LRRFIP2: variants seen among roughly 807,000 people sequenced by gnomAD.
LRRFIP2 encodes the protein leucine-rich repeat flightless-interacting protein 2.
LRRFIP2 carries 109 observed loss-of-function variants against 125.9 expected under a neutral mutation model. The observed-to-expected ratio is 0.87, with a 90% CI of 0.74 to 1.01. The LOEUF is 1.01. Among genes scored for constraint, LRRFIP2 ranks in the 50% least tolerant of loss-of-function variants. The probability of loss-of-function intolerance (pLI) is 0.00; values close to 1 mark genes in which losing one functional copy is unlikely to be tolerated. For missense variants in LRRFIP2, 850 were observed against 862.3 expected (o/e 0.99, Z 0.18); for synonymous variants, 291 against 293.1 (o/e 0.99, Z 0.07).
chr3:37,108,187 A>AGGT, intron 12 of LRRFIP2, 58 bp from the exon 13 acceptor site: 16 of 1,324,826 alleles, frequency 1.2e-5, no homozygotes, highest in Non-Finnish European at 1.6e-5. Flanking sequence ...TATTCTAATG[A>AGGT]GAATACATTA....
At chr3:37,091,142 A>G (rs1487186255) in intron 18 of LRRFIP2, among the ~76,000 whole-genome samples, 3 of 152,110 alleles carry the variant, frequency 2.0e-5, no homozygotes, top group Non-Finnish European at 4.4e-5. Context: ...TTGAGAGGCC[A>G]AGGCAGGAGG....
intron 1 of LRRFIP2, among the ~76,000 whole-genome samples, chr3:37,164,231 G>T (rs1362764713): frequency 6.6e-6 from 1 of 152,064 alleles, no homozygotes; most frequent in Non-Finnish European, 1.5e-5. Context: ...ATACCACATG[G>T]CTGATCAGTA....
chr3:37,104,331 T>C (rs1465773633), intron 14 of LRRFIP2, among the ~76,000 whole-genome samples: 1 of 152,192 alleles, frequency 6.6e-6, no homozygotes, highest in Admixed American at 6.5e-5. Flanking sequence ...CCAAGCATCA[T>C]TATTTAAAGT....
intron 16 of LRRFIP2, 24 bp from the exon 17 acceptor site, chr3:37,094,932 C>A: frequency 7.3e-7 from 1 of 1,373,242 alleles, no homozygotes; most frequent in Non-Finnish European, 1.0e-6. Flanking sequence ...TATGACCCTT[C>A]TAAGTCTCAT....
intron 1 of LRRFIP2, among the ~76,000 whole-genome samples, chr3:37,152,966 T>C (rs551967507): frequency 5.3e-5 from 8 of 152,132 alleles, no homozygotes; most frequent in Non-Finnish European, 1.2e-4. Flanking sequence ...TCCAGACACA[T>C]AAAAATCATT....
chr3:37,062,735 A>C (rs536655525), intron 24 of LRRFIP2, among the ~76,000 whole-genome samples: 1 of 152,308 alleles, frequency 6.6e-6, no homozygotes, highest in Non-Finnish European at 1.5e-5. Flanking sequence ...TACCCAGCCA[A>C]ACTATTTTAA....
chr3:37,174,792 G>T (rs2096634318), upstream of LRRFIP2: 1 of 152,184 alleles, frequency 6.6e-6, no homozygotes, highest in South Asian at 2.1e-4. Flanking sequence ...AATGAGTAAA[G>T]AATGCCATCT....
intron 18 of LRRFIP2, among the ~76,000 whole-genome samples, chr3:37,084,721 T>TA (rs1276363510): frequency 7.7e-4 from 112 of 144,998 alleles, no homozygotes; most frequent in Middle Eastern, 3.5e-3. Flanking sequence ...AGTTTTGAAG[T>TA]AAAAAAAAAA....
chr3:37,082,300 T>TGAATGGGCCA (rs2092708812), intron 19 of LRRFIP2, among the ~76,000 whole-genome samples: 1 of 152,216 alleles, frequency 6.6e-6, no homozygotes. Flanking sequence ...TGGGCCACTG[T>TGAATGGGCCA]CAGTCCAATA....
chr3:37,127,810 C>T (rs2095323655), intron 3 of LRRFIP2, 130 bp from the exon 4 acceptor site: 1 of 701,076 alleles, frequency 1.4e-6, no homozygotes, highest in East Asian at 2.7e-5. Flanking sequence ...ATTCAAAATA[C>T]AGAAAATTAG....
intron 15 of LRRFIP2, among the ~76,000 whole-genome samples, 157 bp downstream of exon 15, chr3:37,102,767 G>T (rs2094131201): frequency 6.6e-6 from 1 of 152,028 alleles, no homozygotes; most frequent in Non-Finnish European, 1.5e-5. Context: ...CTCTCAAAGT[G>T]CTGGGATTAC....
At chr3:37,095,728 G>A (rs909557135) in intron 16 of LRRFIP2, among the ~76,000 whole-genome samples, 16 of 152,206 alleles carry the variant, frequency 1.1e-4, no homozygotes, top group African/African-American at 3.9e-4. Flanking sequence ...CTACCTCCTG[G>A]GTTCAGGCAA....
chr3:37,113,080 G>A (rs959224330), intron 7 of LRRFIP2, 100 bp from the exon 8 acceptor site: 7 of 620,208 alleles, frequency 1.1e-5, no homozygotes, highest in Non-Finnish European at 2.0e-5. Context: ...GTCTATATGA[G>A]ATACACAATA....
intron 4 of LRRFIP2, among the ~76,000 whole-genome samples, chr3:37,126,392 T>C (rs547002157): frequency 6.6e-6 from 1 of 152,110 alleles, no homozygotes; most frequent in Non-Finnish European, 1.5e-5. Context: ...TGATAATTAT[T>C]CCCATCTGAA....
intron 6 of LRRFIP2, among the ~76,000 whole-genome samples, chr3:37,117,209 A>C (rs2094831419): frequency 6.6e-6 from 1 of 151,950 alleles, no homozygotes; most frequent in South Asian, 2.1e-4. Flanking sequence ...TCCTCCAAAT[A>C]AGGTAAGTTC....
rs771140060 is a variant in LRRFIP2 at position 37,109,685 on chromosome 3, T to C, written c.532A>G (p.Ser178Gly). 1 of 1,614,014 alleles carries C rather than the reference T, an allele frequency of 6.2e-7. No homozygotes were observed. The highest frequency in any genetic ancestry group is 1.1e-5 in the South Asian group (1 of 91,068). Residue 178 changes from serine (S) to glycine (G), a missense_variant, in exon 10 of 28, where the codon AGT becomes GGT. Transcript: ENST00000336686. Reference sequence around the variant, plus strand: ...CTCTTATATGTTGCCAGAGGGTCACTGTACAGGGAAGAAGACTGCTAAGAG... The same window carrying C: ...CTCTTATATGTTGCCAGAGGGTCACCGTACAGGGAAGAAGACTGCTAAGAG... ...YYTRQSSSLY[S>G]DPLATYKSDR... is the part of the protein sequence containing the mutation.
chr3:37,127,577 T>C (rs2095316112), intron 4 of LRRFIP2, 53 bp downstream of exon 4: 1 of 1,560,948 alleles, frequency 6.4e-7, no homozygotes, highest in Admixed American at 1.7e-5. Context: ...ACTTCAAGAC[T>C]GCATTATTTC....
chr3:37,151,905 G>A (rs868366738), intron 1 of LRRFIP2, among the ~76,000 whole-genome samples: 11 of 152,038 alleles, frequency 7.2e-5, no homozygotes, highest in South Asian at 2.1e-4. Flanking sequence ...AGGCCTGGCC[G>A]GAAGATTTCT....
In LRRFIP2 at chr3:37,149,026, T is replaced by C; in HGVS notation, c.-43A>G. 1 of 1,610,894 alleles carries C rather than the reference T, an allele frequency of 6.2e-7. No homozygotes were observed. The highest frequency in any genetic ancestry group is 1.7e-4 in the Middle Eastern group (1 of 6,048). ...CTTTTAACTTTGAAAGTGATTTAACTGTGTTTTCAGCCCTGAAGTAAACAA... is the reference window on the plus strand; with the variant it reads ...CTTTTAACTTTGAAAGTGATTTAACCGTGTTTTCAGCCCTGAAGTAAACAA... On this transcript the variant is annotated 5_prime_UTR_variant, in exon 2 of 28. Coordinates refer to ENST00000336686, the MANE Select transcript of LRRFIP2 (RefSeq NM_006309.4).
Sources: gnomAD v4.1 joint callset for allele counts (sites outside exome capture counted in the v4.1 genomes callset) on GRCh38, gnomAD v4.1.1 for gene constraint, MANE v1.5 for transcripts, NCBI Gene and HGNC (gene_info 2026-07-23, HGNC 2026-07-21) for gene names.